The following ATRX variants were observed in gnomAD, a reference collection of about 807,000 sequenced individuals.
ATRX encodes chromatin remodeler ATRX.
A neutral mutation model predicts 172.6 loss-of-function variants in ATRX; 12 were observed. The observed-to-expected ratio is 0.07, with a 90% CI of 0.04 to 0.11. The LOEUF (loss-of-function observed/expected upper bound fraction) is 0.11. ATRX is among the 10% of genes least tolerant of loss of function. The pLI, the probability that ATRX is intolerant of heterozygous loss-of-function variation, is 1.00. For missense variants in ATRX, 1,368 were observed against 1,767.4 expected (o/e 0.77, Z 4.05); for synonymous variants, 674 against 594.7 (o/e 1.13, Z -1.94).
rs2148631142 is a variant in ATRX at position 77,684,182 on chromosome X, T to G, written c.1074A>C (p.Lys358Asn). ...TCATGTTGGCTGTGGTCTCAATCAG[T>G]TTTTTTGCCTTCTTAATCATCTCTT... The part of the protein sequence containing the change: ...VPKEMIKKAK[K>N]LIETTANMNS... The change falls in exon 9 of 35, where the codon AAA becomes AAC. Residue 358 changes from lysine to asparagine, a missense_variant. Lys to Asn is a moderately conservative substitution (Grantham distance 94, BLOSUM62 0). Coordinates refer to ENST00000373344, the MANE Select transcript of ATRX (RefSeq NM_000489.6). 1 of 1,209,775 alleles carries G rather than the reference T, an allele frequency of 8.3e-7. No homozygotes were observed. The highest frequency in any genetic ancestry group is 1.1e-6 in the Non-Finnish European group (1 of 894,604).
At chrX:77,718,535 G>A (rs868976673) in intron 1 of ATRX, among the ~76,000 whole-genome samples, 7 of 108,400 alleles carry the variant, frequency 6.5e-5, no homozygotes, top group East Asian at 5.9e-4. Flanking sequence ...CACCACGCCC[G>A]GCTAATTTTT....
chrX:77,772,854 T>C lies in ATRX; in HGVS notation c.20+13128A>G, dbSNP rs1407321011. Reference sequence around the variant, plus strand: ...TATGTGTATTTCACCACCAATTTTTTTTTTTTTTTGAGAGACGGGGTCTTG... The same window carrying C: ...TATGTGTATTTCACCACCAATTTTTCTTTTTTTTTGAGAGACGGGGTCTTG... On this transcript the variant is annotated intron_variant, in intron 1 of 34. Transcript: ENST00000373344. Among the ~76,000 whole-genome samples, 5 of 107,908 alleles carry C rather than the reference T, an allele frequency of 4.6e-5. No homozygotes were observed. In the East Asian group the frequency reaches 1.2e-3, roughly 25 times the overall value. 93.7% of individuals were successfully genotyped at this position (107,908 alleles called of 115,157 possible). A position where few individuals can be genotyped will look rare whatever the true frequency, so the allele number is the denominator to read the frequency against.
intron 25 of ATRX, chrX:77,595,930 ACTT>A (rs782313978): frequency 3.8e-4 from 43 of 111,834 alleles, no homozygotes; most frequent in Non-Finnish European, 6.0e-4. Flanking sequence ...CTCTAAAAAT[ACTT>A]AAGTAATAAT....
At chrX:77,630,804 T>C (rs1332914558) in intron 19 of ATRX, among the ~76,000 whole-genome samples, 1 of 111,093 alleles carries the variant, frequency 9.0e-6, no homozygotes, top group Non-Finnish European at 1.9e-5. Flanking sequence ...GTGAAAAAAT[T>C]CATGACCTTC....
At chrX:77,721,835 A>T (rs929501636) in intron 1 of ATRX, among the ~76,000 whole-genome samples, 1 of 111,727 alleles carries the variant, frequency 9.0e-6, no homozygotes, top group East Asian at 2.8e-4. Context: ...TTTAAATTTC[A>T]TATGGAACCA....
At chrX:77,534,526 C>A (rs1557047731) in intron 30 of ATRX, among the ~76,000 whole-genome samples, 2 of 111,760 alleles carry the variant, frequency 1.8e-5, no homozygotes, top group African/African-American at 3.2e-5. Flanking sequence ...TAGAGTAACA[C>A]TATTATTGAA....
intron 15 of ATRX, among the ~76,000 whole-genome samples, chrX:77,645,775 A>C (rs1323816795): frequency 8.9e-6 from 1 of 112,441 alleles, no homozygotes; most frequent in South Asian, 3.7e-4. Flanking sequence ...GACATGTATA[A>C]AAATGTAATT....
intron 1 of ATRX, among the ~76,000 whole-genome samples, chrX:77,723,680 A>G (rs2073888188): frequency 9.0e-6 from 1 of 111,549 alleles, no homozygotes; most frequent in Admixed American, 9.6e-5. Flanking sequence ...AGACCTGAGG[A>G]AATGATGCTA....
In ATRX at chrX:77,682,567, T is replaced by C. The variant is rs1557139074; in HGVS notation, c.2689A>G (p.Lys897Glu). Residue 897 changes from lysine (K) to glutamate (E), a missense_variant, in exon 9 of 35, where the codon AAA becomes GAA. Transcript: ENST00000373344. ...CTTAATTCCATGATGGTCGTGTCTT[T>C]ATCAACTGTGCCTTCTGCTGAAGAG... ...TFSSAEGTVD[K>E]DTTIMELRDR... The C allele has an allele frequency of 8.3e-7, 1 of 1,211,365 alleles. No individual in the cohort carries two copies. Among genetic ancestry groups the C allele is most frequent in the East Asian group, 3.0e-5 (1 of 33,841 alleles).
chrX:77,734,100 A>T (rs1386373098), intron 1 of ATRX, among the ~76,000 whole-genome samples: 5 of 109,899 alleles, frequency 4.5e-5, no homozygotes, highest in Non-Finnish European at 7.6e-5. Flanking sequence ...CCAGCTCCTC[A>T]GGAGGCTGAG....
intron 15 of ATRX, among the ~76,000 whole-genome samples, chrX:77,640,600 A>T (rs1441837545): frequency 4.5e-5 from 5 of 110,661 alleles, no homozygotes; most frequent in Non-Finnish European, 9.4e-5. Context: ...TATGAAAAAA[A>T]TTTTTTTCAG....
At chrX:77,613,547 G>T (rs1327464991) in intron 22 of ATRX, among the ~76,000 whole-genome samples, 2 of 112,075 alleles carry the variant, frequency 1.8e-5, no homozygotes, top group Non-Finnish European at 1.9e-5. Flanking sequence ...TCAACCAAAT[G>T]TTGATTGAAA....
chrX:77,609,813 T>C (rs1225518131), intron 22 of ATRX, among the ~76,000 whole-genome samples: 5 of 111,313 alleles, frequency 4.5e-5, no homozygotes, highest in Admixed American at 3.8e-4. Flanking sequence ...CTCACAGAGA[T>C]AGAATGTAGA....
intron 6 of ATRX, among the ~76,000 whole-genome samples, chrX:77,689,738 T>C (rs1255786492): frequency 8.9e-6 from 1 of 112,363 alleles, no homozygotes; most frequent in Non-Finnish European, 1.9e-5. Context: ...ATTAGAGTCA[T>C]CTGAAGAATC....
intron 27 of ATRX, among the ~76,000 whole-genome samples, chrX:77,582,719 T>C (rs1323431556): frequency 1.8e-5 from 2 of 111,816 alleles, no homozygotes; most frequent in Non-Finnish European, 3.8e-5. Context: ...TCAGCAACTA[T>C]ATGCCGATAA....
At chrX:77,541,049 A>G (rs1557050589) in intron 30 of ATRX, among the ~76,000 whole-genome samples, 1 of 111,910 alleles carries the variant, frequency 8.9e-6, no homozygotes, top group African/African-American at 3.3e-5. Context: ...TGAAAAGATC[A>G]ACAAAATAGA....
intron 19 of ATRX, among the ~76,000 whole-genome samples, chrX:77,630,048 T>C (rs782667999): frequency 2.7e-5 from 3 of 112,221 alleles, no homozygotes; most frequent in Non-Finnish European, 5.6e-5. Flanking sequence ...GGATACAGAA[T>C]CAGTATACAA....
chrX:77,629,083 C>T (rs2067997597), intron 19 of ATRX, among the ~76,000 whole-genome samples: 1 of 112,401 alleles, frequency 8.9e-6, no homozygotes, highest in Non-Finnish European at 1.9e-5. Flanking sequence ...TAATAGCCTA[C>T]CTTATAAGTT....
chrX:77,552,230 A>C (rs1350474664), intron 30 of ATRX, among the ~76,000 whole-genome samples: 7 of 110,787 alleles, frequency 6.3e-5, no homozygotes, highest in Non-Finnish European at 1.1e-4. Flanking sequence ...CACCAATGAT[A>C]GACTGGATTA....
Sources: allele counts gnomAD v4.1 joint callset (sites outside exome capture counted in the v4.1 genomes callset), GRCh38; gene constraint gnomAD v4.1.1; transcripts MANE v1.5; gene names NCBI Gene and HGNC (gene_info 2026-07-23, HGNC 2026-07-21).